SMIM24: variants seen among roughly 807,000 people sequenced by gnomAD.
SMIM24 encodes MAP17-related dimer.
In SMIM24, 6 loss-of-function variants were observed where a neutral mutation model predicts 10.8. The ratio of observed to expected loss-of-function variants is 0.55; its 90% confidence interval spans 0.30 to 1.09. SMIM24 has a LOEUF of 1.09. Ranked by LOEUF, SMIM24 falls within the 50% of genes least tolerant of loss-of-function variation. The pLI is 0.06. For missense variants in SMIM24, 151 were observed against 153.4 expected (o/e 0.98, Z 0.08); for synonymous variants, 71 against 62.4 (o/e 1.14, Z -0.65).
chr19:3,477,463 G>C (rs1300741855), intron 3 of SMIM24, among the ~76,000 whole-genome samples: 1 of 149,064 alleles, frequency 6.7e-6, no homozygotes, highest in Non-Finnish European at 1.5e-5. Flanking sequence ...TGAGTGAACA[G>C]ATGGGTGATG....
intron 3 of SMIM24, among the ~76,000 whole-genome samples, chr19:3,477,380 TG>T (rs1207861149): frequency 1.2e-4 from 9 of 74,822 alleles, no homozygotes; most frequent in African/African-American, 2.7e-4. Flanking sequence ...GATGAATGGA[TG>T]GGGGGTGATG....
At chr19:3,475,433 G>C (rs1346634726) in intron 3 of SMIM24, among the ~76,000 whole-genome samples, 1 of 151,786 alleles carries the variant, frequency 6.6e-6, no homozygotes. Flanking sequence ...TGAGTGGACA[G>C]GTGGGTGGAT....
chr19:3,480,404 G>T lies in SMIM24; in HGVS notation c.60C>A (p.Ala20=). Residue 20 remains alanine, a synonymous_variant, in exon 1 of 4, where the codon GCC becomes GCA. Transcript: ENST00000215531. ...LEFLLLSPVE[A]QQATEHRLKP... is the part of the protein sequence containing the mutation. ...CCGCCCCCCTGCACCTACCCTGCTG[G>T]GCCTCCACCGGGGAGAGGAGCAGAA... 6.5e-7 allele frequency: 1 copy of T among 1,548,442 alleles called. No individual in the cohort carries two copies. The highest frequency in any genetic ancestry group is 8.7e-7 in the Non-Finnish European group (1 of 1,145,998).
intron 1 of SMIM24, among the ~76,000 whole-genome samples, chr19:3,479,809 G>A (rs2082810124): frequency 1.4e-5 from 2 of 142,850 alleles, no homozygotes; most frequent in Admixed American, 7.0e-5. Flanking sequence ...GGGGCTTACA[G>A]AGGAGGAGGG....
At position 3,478,923 on chromosome 19, in the gene SMIM24, T is replaced by C. The variant is rs867947493; in HGVS notation, c.74A>G (p.Glu25Gly). 1 of 1,549,264 alleles carries C rather than the reference T, an allele frequency of 6.5e-7. No homozygotes were observed. The highest frequency in any genetic ancestry group is 1.2e-5 in the South Asian group (1 of 84,002). ...CACCAGCCACGGCTTCAGGCGATGC[T>C]CCGTGGCTGCAGGAAGTTGGGGAGG... ...LSPVEAQQATEHRLKPWLVGL... is the reference protein window; with the variant it reads ...LSPVEAQQATGHRLKPWLVGL... The change falls in exon 2 of 4, where the codon GAG becomes GGG. Residue 25 changes from glutamate to glycine, a missense_variant. Transcript: ENST00000215531.
At chr19:3,480,023 G>A (rs894032896) in intron 1 of SMIM24, among the ~76,000 whole-genome samples, 1 of 151,592 alleles carries the variant, frequency 6.6e-6, no homozygotes. Context: ...GGCTCGGGGA[G>A]GGGTTTATAA....
intron 3 of SMIM24, among the ~76,000 whole-genome samples, chr19:3,476,264 A>G (rs550217198): frequency 5.3e-4 from 81 of 152,182 alleles, no homozygotes; most frequent in African/African-American, 1.9e-3. Context: ...GGGTGGATGG[A>G]TCAATGAGCT....
chr19:3,476,579 T>A (rs2082792785), intron 3 of SMIM24, among the ~76,000 whole-genome samples: 3 of 152,066 alleles, frequency 2.0e-5, no homozygotes, highest in Non-Finnish European at 4.4e-5. Flanking sequence ...CATATTTTAC[T>A]GGGGCTGAGC....
At chr19:3,480,126 G>C (rs918963778) in intron 1 of SMIM24, among the ~76,000 whole-genome samples, 2 of 151,204 alleles carry the variant, frequency 1.3e-5, no homozygotes, top group Non-Finnish European at 3.0e-5. Context: ...GAGTGGGGCC[G>C]AGCTCAAGGC....
chr19:3,480,413 C>T lies in SMIM24; in HGVS notation c.51G>A (p.Pro17=). 1 of 1,549,088 alleles carries T rather than the reference C, an allele frequency of 6.5e-7. No individual in the cohort carries two copies. The highest frequency in any genetic ancestry group is 1.4e-5 in the African/African-American group (1 of 73,068). Residue 17 remains proline, a synonymous_variant, in exon 1 of 4, where the codon CCG becomes CCA. Coordinates refer to ENST00000215531, the MANE Select transcript of SMIM24 (RefSeq NM_001136503.2). ...LLVLEFLLLS[P]VEAQQATEHR... ...TGCACCTACCCTGCTGGGCCTCCAC[C>T]GGGGAGAGGAGCAGAAACTCCAGCA...
At chr19:3,478,373 C>G (rs1481458401) in intron 3 of SMIM24, 46 bp downstream of exon 3, 2 of 1,509,028 alleles carry the variant, frequency 1.3e-6, no homozygotes, top group Non-Finnish European at 1.8e-6. Context: ...TTCCCCCACC[C>G]CGAGGAGGGG....
At chr19:3,477,006 C>T (rs1232975914) in intron 3 of SMIM24, among the ~76,000 whole-genome samples, 2 of 128,386 alleles carry the variant, frequency 1.6e-5, no homozygotes, top group African/African-American at 6.0e-5. Context: ...GGTGTGTGAA[C>T]AGATGAGTGG....
intron 2 of SMIM24, 47 bp from the exon 3 acceptor site, chr19:3,478,525 G>T: frequency 1.3e-6 from 2 of 1,497,076 alleles, no homozygotes; most frequent in Non-Finnish European, 1.8e-6. Context: ...GAGGAGAAAG[G>T]GGGCGGTAAA....
Position 3,480,470 on chromosome 19 carries a change from C to T in SMIM24, c.-7G>A, listed in dbSNP as rs1031261037. 1 of 1,548,602 alleles carries T rather than the reference C, an allele frequency of 6.5e-7. No homozygotes were observed. Among genetic ancestry groups the T allele is most frequent in the African/African-American group, 1.4e-5 (1 of 72,944 alleles). On this transcript the variant is annotated 5_prime_UTR_variant, in exon 1 of 4. Coordinates refer to ENST00000215531, the MANE Select transcript of SMIM24 (RefSeq NM_001136503.2). ...GGGCCCCCAGGGTCTCCATGACGGT[C>T]GAGTGAGCCAGCAGCCAGCCAGCGG...
chr19:3,475,319 G>A (rs573146237), intron 3 of SMIM24, among the ~76,000 whole-genome samples: 1 of 152,256 alleles, frequency 6.6e-6, no homozygotes, highest in South Asian at 2.1e-4. Flanking sequence ...AGATGATATG[G>A]AGGTTCACAC....
rs1329644915 is a variant in SMIM24 at position 3,480,501 on chromosome 19, C to G, written c.-38G>C. The G allele has an allele frequency of 2.4e-5, 37 of 1,544,700 alleles. No homozygotes were observed. The highest frequency in any genetic ancestry group is 3.0e-5 in the Non-Finnish European group (34 of 1,143,340). On this transcript the variant is annotated 5_prime_UTR_variant, in exon 1 of 4. Transcript: ENST00000215531. ...AGCCAGCAGCCAGCCAGCGGCGGTC[C>G]CGGGTCGGCGTCCACAGGTTTGGTG...
intron 1 of SMIM24, among the ~76,000 whole-genome samples, chr19:3,479,407 TG>T (rs888769268): frequency 1.8e-5 from 1 of 54,618 alleles, no homozygotes; most frequent in Non-Finnish European, 3.7e-5. Flanking sequence ...AAGAAGAGTC[TG>T]GGGGGTTGGG....
In SMIM24 at chr19:3,474,152, A is replaced by T. The variant is rs946494653; in HGVS notation, c.*691T>A. ...TCCAAGATACAGCTCCCAGGAAAAA[A>T]GTCACGTGCCCCAAAACAAAGTGAG... is the stretch of plus-strand genomic sequence containing the variant. On this transcript the variant is annotated 3_prime_UTR_variant, in exon 4 of 4. Coordinates refer to ENST00000215531, the MANE Select transcript of SMIM24 (RefSeq NM_001136503.2). 4.6e-5 allele frequency: 7 copies of T among 152,368 alleles called. No individual in the cohort carries two copies. The highest frequency in any genetic ancestry group is 8.8e-5 in the Non-Finnish European group (6 of 68,184). The allele number at this position is 152,368 out of a possible 1,614,324, so 9.4% of individuals were successfully genotyped here.
At chr19:3,478,968 A>C in intron 1 of SMIM24, 39 bp from the exon 2 acceptor site, 2 of 1,491,216 alleles carry the variant, frequency 1.3e-6, no homozygotes, top group South Asian at 2.4e-5. Context: ...GAGGAAGAAA[A>C]GGTCAGAAGA....
Sources: allele counts gnomAD v4.1 joint callset (sites outside exome capture counted in the v4.1 genomes callset), GRCh38; gene constraint gnomAD v4.1.1; transcripts MANE v1.5; gene names NCBI Gene and HGNC (gene_info 2026-07-23, HGNC 2026-07-21).